Variants in RRH observed in about 807,000 individuals in gnomAD.
RRH encodes retinal pigment epithelium-derived rhodopsin homolog.
In RRH, 36 loss-of-function variants were observed where a neutral mutation model predicts 33.1. The ratio of observed to expected loss-of-function variants is 1.09; its 90% CI spans 0.83 to 1.44. The LOEUF (loss-of-function observed/expected upper bound fraction) is 1.44. Among genes scored for constraint, RRH ranks in the 40% most tolerant of loss-of-function variants. The pLI is 0.00. For missense variants in RRH, 393 were observed against 420.2 expected, an observed-to-expected ratio of 0.94 and a Z score of 0.57; for synonymous variants, 124 against 140.2, an observed-to-expected ratio of 0.88 and a Z score of 0.82.
At position 109,836,094 on chromosome 4, in the gene RRH, G is replaced by T; in HGVS notation, c.485G>T (p.Gly162Val). Reference sequence around the variant, plus strand: ...TTTTGGGCTTTGATGCCTATCATAGGGTGGGCTAGTTATGCCCCAGATCCT... The same window carrying T: ...TTTTGGGCTTTGATGCCTATCATAGTGTGGGCTAGTTATGCCCCAGATCCT... ...GLFWALMPII[G>V]WASYAPDPTG... The change falls in exon 4 of 7, where the codon GGG becomes GTG. Residue 162 changes from glycine to valine, a missense_variant. By Grantham distance (109) the Gly-to-Val change is moderately radical. Transcript: ENST00000317735. 1.2e-6 allele frequency: 2 copies of T among 1,614,144 alleles called. No homozygotes were observed. The highest frequency in any genetic ancestry group is 1.7e-6 in the Non-Finnish European group (2 of 1,180,018).
intron 1 of RRH, among the ~76,000 whole-genome samples, chr4:109,831,599 G>A (rs1733751889): frequency 6.6e-6 from 1 of 152,094 alleles, no homozygotes; most frequent in South Asian, 2.1e-4. Flanking sequence ...GAAGTTTGAA[G>A]GATGGATGGC....
chr4:109,842,354 T>C, intron 5 of RRH, 115 bp from the exon 6 acceptor site: 1 of 1,005,468 alleles, frequency 9.9e-7, no homozygotes, highest in Non-Finnish European at 1.5e-6. Flanking sequence ...CTTTATGTCA[T>C]CAAAAACATA....
chr4:109,841,579 G>A (rs1733983226), intron 5 of RRH, among the ~76,000 whole-genome samples: 1 of 152,110 alleles, frequency 6.6e-6, no homozygotes, highest in Non-Finnish European at 1.5e-5. Flanking sequence ...CACATCTAGA[G>A]TTTTCTGGTA....
intron 5 of RRH, among the ~76,000 whole-genome samples, chr4:109,840,652 A>G (rs1359692678): frequency 6.6e-6 from 1 of 151,098 alleles, no homozygotes; most frequent in Non-Finnish European, 1.5e-5. Context: ...TTATGGATGT[A>G]TATCTCCTGT....
At chr4:109,833,039 ATCTGT>A (rs1733791514) in intron 1 of RRH, 95 bp from the exon 2 acceptor site, 2 of 923,822 alleles carry the variant, frequency 2.2e-6, no homozygotes, top group Admixed American at 2.0e-5. Flanking sequence ...ACTAAAATAG[ATCTGT>A]TATGTTTTTA....
In RRH at chr4:109,844,107, G is replaced by A. The variant is rs958777490; in HGVS notation, c.924G>A (p.Met308Ile). The change falls in exon 7 of 7, where the codon ATG (methionine) becomes ATA (isoleucine). Residue 308 changes from methionine to isoleucine, a missense_variant. Coordinates refer to ENST00000317735, the MANE Select transcript of RRH (RefSeq NM_006583.5). ...NKKFRRAMLA[M>I]FKCQTHQTMP... ...GGTTTCGGAGGGCAATGCTTGCCAT[G>A]TTCAAATGTCAGACTCACCAAACAA... 2.9e-5 allele frequency: 47 copies of A among 1,613,660 alleles called. No individual in the cohort carries two copies. Among genetic ancestry groups the A allele is most frequent in the Non-Finnish European group, 3.7e-5 (44 of 1,179,630 alleles).
chr4:109,830,283 G>A (rs35646628), intron 1 of RRH, among the ~76,000 whole-genome samples: 71,962 of 151,932 alleles, frequency 0.47, 20,190 homozygotes, highest in Non-Finnish European at 0.64. Context: ...GTGATGAGCC[G>A]TGTAAGTTTT....
rs370410268 is a variant in RRH, at chr4:109,836,171, A to G, written c.551+11A>G. On this transcript the variant is annotated intron_variant, in intron 4 of 6. Coordinates refer to ENST00000317735, the MANE Select transcript of RRH (RefSeq NM_006583.5). ...GAGGAAAAATGATAGGTAAGAGACA[A>G]GTTTACACTTTATAATCAAATGCTT... is the stretch of plus-strand genomic sequence containing the variant. 2 of 1,613,500 alleles carry G rather than the reference A, an allele frequency of 1.2e-6. No individual in the cohort carries two copies. The highest frequency in any genetic ancestry group is 2.2e-5 in the East Asian group (1 of 44,878).
chr4:109,831,680 G>A (rs751757645), intron 1 of RRH, among the ~76,000 whole-genome samples: 2 of 152,056 alleles, frequency 1.3e-5, no homozygotes, highest in African/African-American at 2.4e-5. Flanking sequence ...TGGTGTATCT[G>A]GGCAAAAACT....
chr4:109,843,052 T>C (rs1423613745), intron 6 of RRH, among the ~76,000 whole-genome samples: 1 of 152,198 alleles, frequency 6.6e-6, no homozygotes. Flanking sequence ...CAAGGCAACA[T>C]TGGGCTCACT....
rs1733791327 is a variant in RRH at position 109,833,036 on chromosome 4, T to C, written c.107-103T>C. On this transcript the variant is annotated intron_variant, in intron 1 of 6. Transcript: ENST00000317735. ...AGCTCTTCAAATAAATGAACTAAAA[T>C]AGATCTGTTATGTTTTTAAAGGGGC... The C allele has an allele frequency of 3.3e-6, 3 of 908,674 alleles. No homozygotes were observed. In the South Asian group the frequency reaches 4.2e-5, roughly 13 times the overall value. 56.3% of individuals were successfully genotyped at this position (908,674 alleles called of 1,614,324 possible). A position where few individuals can be genotyped will look rare whatever the true frequency, so the allele number is the denominator to read the frequency against.
At chr4:109,842,090 C>T (rs1289097731) in intron 5 of RRH, among the ~76,000 whole-genome samples, 1 of 152,024 alleles carries the variant, frequency 6.6e-6, no homozygotes, top group African/African-American at 2.4e-5. Flanking sequence ...ATAATAATAG[C>T]CATGCCAGGA....
chr4:109,837,046 C>A (rs138544866), intron 4 of RRH, among the ~76,000 whole-genome samples: 1 of 151,958 alleles, frequency 6.6e-6, no homozygotes, highest in African/African-American at 2.4e-5. Context: ...GTGATTGCAC[C>A]GCTGCACTCC....
rs79956056 is a variant in RRH at position 109,828,080 on chromosome 4, C to G, written c.53C>G (p.Ser18Trp). The G allele has an allele frequency of 6.2e-7, 1 of 1,612,654 alleles. No individual in the cohort carries two copies. The highest frequency in any genetic ancestry group is 1.3e-5 in the African/African-American group (1 of 74,868). ...TCAGACTCTAAAAATGAAGATGGCT[C>G]GGTCTTTTCACAGACTGAACACAAT... Reference protein sequence around the residue: ...NSSDSKNEDGSVFSQTEHNIV... With the variant: ...NSSDSKNEDGWVFSQTEHNIV... The change falls in exon 1 of 7, where the codon TCG becomes TGG. Residue 18 changes from serine to tryptophan, a missense_variant. By Grantham distance (177) the Ser-to-Trp change is radical (BLOSUM62 -3). Coordinates refer to ENST00000317735, the MANE Select transcript of RRH (RefSeq NM_006583.5).
intron 5 of RRH, among the ~76,000 whole-genome samples, chr4:109,842,261 A>G (rs1194758650): frequency 1.3e-5 from 2 of 152,136 alleles, no homozygotes; most frequent in Non-Finnish European, 2.9e-5. Context: ...TGATATACCC[A>G]TTTCACAAGG....
intron 1 of RRH, 68 bp downstream of exon 1, chr4:109,828,201 G>A: frequency 2.8e-6 from 3 of 1,057,676 alleles, no homozygotes; most frequent in Non-Finnish European, 4.4e-6. Flanking sequence ...TTCAGCATAA[G>A]GCATGCATTG....
chr4:109,836,172 G>T lies in RRH; in HGVS notation c.551+12G>T. 6.2e-7 allele frequency: 1 copy of T among 1,613,462 alleles called. No individual in the cohort carries two copies. The highest frequency in any genetic ancestry group is 8.5e-7 in the Non-Finnish European group (1 of 1,179,458). On this transcript the variant is annotated intron_variant, in intron 4 of 6. Transcript: ENST00000317735. The stretch of plus-strand genomic sequence containing the variant: ...AGGAAAAATGATAGGTAAGAGACAA[G>T]TTTACACTTTATAATCAAATGCTTC...
chr4:109,831,977 C>T (rs913877136), intron 1 of RRH, among the ~76,000 whole-genome samples: 1 of 151,958 alleles, frequency 6.6e-6, no homozygotes, highest in East Asian at 1.9e-4. Flanking sequence ...AAAGTTTTTA[C>T]TGAGCTGATG....
intron 6 of RRH, among the ~76,000 whole-genome samples, chr4:109,843,732 C>G (rs529784082): frequency 6.6e-6 from 1 of 152,306 alleles, no homozygotes; most frequent in East Asian, 1.9e-4. Context: ...ACTCATGGCA[C>G]TTGACATTAG....
Sources: allele counts gnomAD v4.1 joint callset (sites outside exome capture counted in the v4.1 genomes callset), GRCh38; gene constraint gnomAD v4.1.1; transcripts MANE v1.5; gene names NCBI Gene and HGNC (gene_info 2026-07-23, HGNC 2026-07-21).